RASGRF1: variants seen among roughly 807,000 people sequenced by gnomAD.
RASGRF1 encodes the protein Ras protein specific guanine nucleotide releasing factor 1.
A neutral mutation model predicts 138.7 loss-of-function variants in RASGRF1; 40 were observed. That is an observed-to-expected ratio of 0.29 (90% CI 0.22 to 0.38). The LOEUF is 0.38. Ranked by LOEUF, RASGRF1 falls within the 10% of genes least tolerant of loss-of-function variation. The probability of loss-of-function intolerance (pLI) is 1.00; values close to 1 mark genes in which losing one functional copy is unlikely to be tolerated. For synonymous variants in RASGRF1, 614 were observed against 663.2 expected (o/e 0.93, Z 1.14); for missense variants, 1,108 against 1,650.4 (o/e 0.67, Z 5.69).
chr15:79,000,944 G>A (rs1313861315), intron 16 of RASGRF1, among the ~76,000 whole-genome samples: 1 of 152,160 alleles, frequency 6.6e-6, no homozygotes, highest in Non-Finnish European at 1.5e-5. Flanking sequence ...GTGAGAGCAG[G>A]GACATTGGAG....
chr15:78,969,177 A>G (rs1303433084), intron 26 of RASGRF1, among the ~76,000 whole-genome samples: 1 of 152,176 alleles, frequency 6.6e-6, no homozygotes. Flanking sequence ...TTTCTCTTCA[A>G]CAGCAAATGC....
intron 13 of RASGRF1, among the ~76,000 whole-genome samples, chr15:79,007,363 T>C (rs2056700905): frequency 6.6e-6 from 1 of 152,208 alleles, no homozygotes; most frequent in Non-Finnish European, 1.5e-5. Flanking sequence ...CAATGGGAGC[T>C]ATTAGGACTC....
Position 79,003,946 on chromosome 15 carries a change from T to C in RASGRF1, c.2305A>G (p.Met769Val), listed in dbSNP as rs1683926970. 6.2e-7 allele frequency: 1 copy of C among 1,614,160 alleles called. No individual in the cohort carries two copies. Among genetic ancestry groups the C allele is most frequent in the Non-Finnish European group, 8.5e-7 (1 of 1,180,016 alleles). ...CTGAAGGGTGACATGGCCGAGTACATGCTGGTGTAGCCATTGGAGTTGCAG... is the reference window on the plus strand; with the variant it reads ...CTGAAGGGTGACATGGCCGAGTACACGCTGGTGTAGCCATTGGAGTTGCAG... ...LSCNSNGYTSMYSAMSPFSKA... is the reference protein window; with the variant it reads ...LSCNSNGYTSVYSAMSPFSKA... Residue 769 changes from methionine to valine, a missense_variant, in exon 15 of 27, where the codon ATG becomes GTG. By Grantham distance (21) the Met-to-Val change is conservative. Transcript: ENST00000558480.
At chr15:78,989,428 C>A (rs536417156) in intron 22 of RASGRF1, among the ~76,000 whole-genome samples, 1 of 151,912 alleles carries the variant, frequency 6.6e-6, no homozygotes, top group Admixed American at 6.5e-5. Flanking sequence ...GAGCCTTAGT[C>A]TCGCCCAGCA....
At chr15:79,075,272 G>A (rs1381258367) in intron 1 of RASGRF1, among the ~76,000 whole-genome samples, 1 of 152,210 alleles carries the variant, frequency 6.6e-6, no homozygotes, top group East Asian at 1.9e-4. Flanking sequence ...CACATCTGGG[G>A]TTGTGCCAGG....
At chr15:79,065,678 G>A (rs1031940956) in intron 1 of RASGRF1, among the ~76,000 whole-genome samples, 2 of 152,020 alleles carry the variant, frequency 1.3e-5, no homozygotes, top group African/African-American at 4.8e-5. Flanking sequence ...GAGAGAGGCA[G>A]GGGGTGAGGT....
chr15:78,972,548 C>T (rs1356535067), intron 25 of RASGRF1, among the ~76,000 whole-genome samples: 1 of 152,010 alleles, frequency 6.6e-6, no homozygotes, highest in African/African-American at 2.4e-5. Flanking sequence ...AACAAAACCC[C>T]ACGACTCCAG....
intron 2 of RASGRF1, among the ~76,000 whole-genome samples, chr15:79,061,022 G>C (rs917646027): frequency 2.6e-5 from 4 of 152,120 alleles, no homozygotes; most frequent in Non-Finnish European, 2.9e-5. Flanking sequence ...TTGTAGAAGG[G>C]GCAGTGAGAA....
intron 10 of RASGRF1, among the ~76,000 whole-genome samples, chr15:79,024,875 A>G (rs1176318871): frequency 6.6e-6 from 1 of 150,740 alleles, no homozygotes; most frequent in South Asian, 2.1e-4. Flanking sequence ...AGACACACAC[A>G]CATATATATA....
At chr15:79,077,482 C>T (rs1265671603) in intron 1 of RASGRF1, among the ~76,000 whole-genome samples, 2 of 152,158 alleles carry the variant, frequency 1.3e-5, no homozygotes, top group African/African-American at 4.8e-5. Flanking sequence ...TGGCACATTA[C>T]TGGAAAACAC....
intron 8 of RASGRF1, 85 bp downstream of exon 8, chr15:79,031,315 T>C: frequency 9.7e-7 from 1 of 1,036,016 alleles, no homozygotes; most frequent in Non-Finnish European, 1.4e-6. Context: ...TCAAGCTTTG[T>C]CAGGGGTTCA....
At position 79,001,821 on chromosome 15, in the gene RASGRF1, TTAA is replaced by T. The variant is rs558263171; in HGVS notation, c.2450-37_2450-35del. Reference sequence around the variant, plus strand: ...AAAGAAATAAATAATTTTACTTTTCTTAATTTTAATTTTAAAATTTAAATATTT... The same window carrying T: ...AAAGAAATAAATAATTTTACTTTTCTTTTTAATTTTAAAATTTAAATATTT... On this transcript the variant is annotated intron_variant, in intron 15 of 26. Transcript: ENST00000558480. The T allele has an allele frequency of 3.7e-4, 345 of 939,308 alleles. 4 individuals are homozygous for T. In the South Asian group the frequency reaches 8.5e-3, roughly 23 times the overall value. 58.2% of individuals were successfully genotyped at this position (939,308 alleles called of 1,614,324 possible).
intron 20 of RASGRF1, among the ~76,000 whole-genome samples, chr15:78,993,372 A>AGTGT (rs144031196): frequency 4.7e-5 from 6 of 127,608 alleles, no homozygotes; most frequent in African/African-American, 1.2e-4. Flanking sequence ...TGGTGTGTGT[A>AGTGT]GTGTGTGTGT....
chr15:78,976,592 G>A (rs28549817), intron 24 of RASGRF1, among the ~76,000 whole-genome samples: 2,438 of 118,372 alleles, frequency 0.021, 28 homozygotes, highest in Middle Eastern at 0.03. Context: ...ACACCCATCC[G>A]AAATCCAGAG....
At chr15:78,985,731 C>T (rs1175465041) in intron 22 of RASGRF1, 1 of 152,892 alleles carries the variant, frequency 6.5e-6, no homozygotes, top group Non-Finnish European at 1.5e-5. Flanking sequence ...GCCTGACCAA[C>T]ATGGTGAAAC....
chr15:79,002,820 C>G (rs1361023230), intron 15 of RASGRF1, among the ~76,000 whole-genome samples: 1 of 152,244 alleles, frequency 6.6e-6, no homozygotes, highest in Non-Finnish European at 1.5e-5. Flanking sequence ...GTGCCCTCTG[C>G]TGGGGGTGCC....
intron 22 of RASGRF1, among the ~76,000 whole-genome samples, chr15:78,987,181 T>C (rs551956056): frequency 8.1e-4 from 124 of 152,174 alleles, no homozygotes; most frequent in Non-Finnish European, 1.5e-3. Context: ...TGATTGAATA[T>C]TAGAAAAAAA....
At position 79,016,015 on chromosome 15, in the gene RASGRF1, T is replaced by C. The variant is rs554650163; in HGVS notation, c.1744-606A>G. ...GTACATTTCACTCGGCCTCCAAAAATATTCAAAATCCAAATTTTGCTTTGA... is the reference window on the plus strand; with the variant it reads ...GTACATTTCACTCGGCCTCCAAAAACATTCAAAATCCAAATTTTGCTTTGA... On this transcript the variant is annotated intron_variant, in intron 12 of 26. Coordinates refer to ENST00000558480, the MANE Select transcript of RASGRF1 (RefSeq NM_001145648.3). Among the ~76,000 whole-genome samples, 132 of 152,256 alleles carry C rather than the reference T, an allele frequency of 8.7e-4. 1 individual carries two copies. Among genetic ancestry groups the C allele is most frequent in the Middle Eastern group, 3.4e-3 (1 of 294 alleles).
In RASGRF1 at chr15:79,006,244, C is replaced by G; in HGVS notation, c.2017G>C (p.Val673Leu). 6.2e-7 allele frequency: 1 copy of G among 1,614,164 alleles called. No individual in the cohort carries two copies. Among genetic ancestry groups the G allele is most frequent in the Non-Finnish European group, 8.5e-7 (1 of 1,180,046 alleles). ...HSYRVFTTAI[V>L]VLDKLITIYK... Reference sequence around the variant, plus strand: ...ATGGTAATGAGCTTGTCCAGGACCACGATGGCGGTGGTGAAGACGCGGTAG... The same window carrying G: ...ATGGTAATGAGCTTGTCCAGGACCAGGATGGCGGTGGTGAAGACGCGGTAG... The change falls in exon 14 of 27, where the codon GTG (valine) becomes CTG (leucine). Residue 673 changes from valine to leucine, a missense_variant. Val to Leu is a conservative substitution (Grantham distance 32). Transcript: ENST00000558480. This position sits in a 1 kb window ranked among gnomAD's most constrained non-coding sequence, Gnocchi z 4.0.
Sources: gnomAD v4.1 joint callset for allele counts (sites outside exome capture counted in the v4.1 genomes callset) on GRCh38, gnomAD v4.1.1 for gene constraint, Gnocchi (gnomAD v3.1) non-coding constraint, MANE v1.5 for transcripts, NCBI Gene and HGNC (gene_info 2026-07-23, HGNC 2026-07-21) for gene names.